KBTBD11: variants seen among roughly 807,000 people sequenced by gnomAD.
KBTBD11 encodes kelch repeat and BTB domain-containing protein 11.
For synonymous variants in KBTBD11, 747 were observed against 499.0 expected (o/e 1.50, Z -6.63); for missense variants, 1,390 against 1,001.8 (o/e 1.39, Z -5.23).
chr8:1,993,391 G>GTCCA lies in KBTBD11; in HGVS notation c.-908-6865_-908-6862dup, dbSNP rs1204845271. Among the ~76,000 whole-genome samples, 519 of 97,940 alleles carry GTCCA rather than the reference G, an allele frequency of 5.3e-3. 3 individuals are homozygous for GTCCA. The highest frequency in any genetic ancestry group is 3.8e-3 in the Non-Finnish European group (173 of 45,816). The allele number at this position is 97,940 out of a possible 152,430, so 64.3% of individuals were successfully genotyped here. On this transcript the variant is annotated intron_variant, in intron 1 of 1. Transcript: ENST00000320248. ...CGTCCGTCCGTCCGTCCGTCCGTCC[G>GTCCA]TCCATCCATCCATCCATCCATCCAT...
chr8:1,992,265 GTGTT>G (rs1281422306), intron 1 of KBTBD11, among the ~76,000 whole-genome samples: 3 of 152,104 alleles, frequency 2.0e-5, no homozygotes, highest in Admixed American at 2.0e-4. Flanking sequence ...GCCTCCCAGG[GTGTT>G]TGAAGACTGT....
In KBTBD11 at chr8:2,001,043, A is replaced by C. The variant is rs1585758659; in HGVS notation, c.-150A>C. 1 of 302,216 alleles carries C rather than the reference A, an allele frequency of 3.3e-6. No individual in the cohort carries two copies. Among genetic ancestry groups the C allele is most frequent in the South Asian group, 2.1e-4 (1 of 4,764 alleles). 18.7% of individuals were successfully genotyped at this position (302,216 alleles called of 1,614,324 possible). A position where few individuals can be genotyped will look rare whatever the true frequency, so the allele number is the denominator to read the frequency against. ...GTGAGATTCCCCCCTTCACACACAC[A>C]ACAACAAAGCGTGGACACACAGAAG... is the stretch of plus-strand genomic sequence containing the variant. On this transcript the variant is annotated 5_prime_UTR_variant, in exon 2 of 2. Coordinates refer to ENST00000320248, the MANE Select transcript of KBTBD11 (RefSeq NM_014867.3).
At chr8:1,990,267 T>C (rs1816863924) in intron 1 of KBTBD11, among the ~76,000 whole-genome samples, 3 of 140,804 alleles carry the variant, frequency 2.1e-5, no homozygotes, top group African/African-American at 8.1e-5. Flanking sequence ...CTTGGCGCCC[T>C]GTCTGGGTAG....
At position 1,988,732 on chromosome 8, in the gene KBTBD11, C is replaced by T. The variant is rs545411540; in HGVS notation, c.-908-11553C>T. Reference sequence around the variant, plus strand: ...CTTGCCTTCTGCACTGAGGCTTGAGCCCCATGGGGCTGGGACCAAGTCTGT... The same window carrying T: ...CTTGCCTTCTGCACTGAGGCTTGAGTCCCATGGGGCTGGGACCAAGTCTGT... On this transcript the variant is annotated intron_variant, in intron 1 of 1. Coordinates refer to ENST00000320248, the MANE Select transcript of KBTBD11 (RefSeq NM_014867.3). 8.5e-4 allele frequency among the ~76,000 whole-genome samples: 130 copies of T among 152,306 alleles called. 1 individual carries two copies. Among genetic ancestry groups the T allele is most frequent in the African/African-American group, 3.1e-3 (128 of 41,554 alleles).
intron 1 of KBTBD11, chr8:1,974,781 T>G (rs973516375): frequency 1.2e-6 from 1 of 806,840 alleles, no homozygotes; most frequent in East Asian, 1.3e-4. Context: ...TCCACCTCTT[T>G]AGAGTCCTAC....
At chr8:1,978,396 C>G (rs1020676561) in intron 1 of KBTBD11, among the ~76,000 whole-genome samples, 2 of 152,246 alleles carry the variant, frequency 1.3e-5, no homozygotes, top group African/African-American at 4.8e-5. Context: ...CACTGACTTG[C>G]TGCCTGAGGC....
intron 1 of KBTBD11, among the ~76,000 whole-genome samples, chr8:1,995,287 C>T (rs1045561607): frequency 6.6e-6 from 1 of 151,986 alleles, no homozygotes; most frequent in Admixed American, 6.6e-5. Context: ...GTTGCTTGAA[C>T]CACTGTAGGA....
At chr8:1,983,660 G>C (rs1213097642) in intron 1 of KBTBD11, among the ~76,000 whole-genome samples, 1 of 152,148 alleles carries the variant, frequency 6.6e-6, no homozygotes, top group Non-Finnish European at 1.5e-5. Context: ...GACCATGAAT[G>C]TTGAAATGTG....
chr8:1,993,028 C>G (rs1351828365), intron 1 of KBTBD11, among the ~76,000 whole-genome samples: 1 of 152,104 alleles, frequency 6.6e-6, no homozygotes, highest in African/African-American at 2.4e-5. Flanking sequence ...GCCTTGACCT[C>G]TCCCGGGCTC....
rs79630293 is a variant in KBTBD11, at chr8:1,985,187, C to T, written c.-909+11252C>T. Among the ~76,000 whole-genome samples, 515 of 152,322 alleles carry T rather than the reference C, an allele frequency of 3.4e-3. 3 individuals carry two copies. The highest frequency in any genetic ancestry group is 0.012 in the African/African-American group (502 of 41,574). On this transcript the variant is annotated intron_variant, in intron 1 of 1. Transcript: ENST00000320248. ...GGCCGATGGCCGAATGCAGGTGACC[C>T]GGCAGGAGAAGGCAGAGCTCTTACA...
chr8:1,994,851 G>A (rs1817072986), intron 1 of KBTBD11, among the ~76,000 whole-genome samples: 1 of 152,106 alleles, frequency 6.6e-6, no homozygotes, highest in African/African-American at 2.4e-5. Flanking sequence ...TTGAGGTCAG[G>A]AATTCGAGAC....
chr8:1,988,715 C>T (rs576402436), intron 1 of KBTBD11, among the ~76,000 whole-genome samples: 1 of 152,328 alleles, frequency 6.6e-6, no homozygotes, highest in South Asian at 2.1e-4. Context: ...CGCTTGCCTT[C>T]TGCACTGAGG....
chr8:2,002,616 C>T lies in KBTBD11; in HGVS notation c.1424C>T (p.Pro475Leu). The part of the protein sequence containing the change: ...SLFYRLLKYD[P>L]RRDEWQECPC... ...TTCTATCGCCTGCTCAAGTATGACCCGCGGCGCGACGAGTGGCAGGAGTGC... is the reference window on the plus strand; with the variant it reads ...TTCTATCGCCTGCTCAAGTATGACCTGCGGCGCGACGAGTGGCAGGAGTGC... Residue 475 changes from proline (P) to leucine (L), a missense_variant, in exon 2 of 2, where the codon CCG becomes CTG. Pro to Leu is a moderately conservative substitution (Grantham distance 98). Coordinates refer to ENST00000320248, the MANE Select transcript of KBTBD11 (RefSeq NM_014867.3). The surrounding 1 kb of genome is among the most constrained non-coding windows in gnomAD (Gnocchi z 4.1). The T allele has an allele frequency of 2.5e-6, 4 of 1,583,676 alleles. No homozygotes were observed. The highest frequency in any genetic ancestry group is 1.7e-5 in the Admixed American group (1 of 58,450).
chr8:1,996,632 T>A (rs1817152674), intron 1 of KBTBD11, among the ~76,000 whole-genome samples: 1 of 152,036 alleles, frequency 6.6e-6, no homozygotes, highest in African/African-American at 2.4e-5. Flanking sequence ...ATGAACGCAT[T>A]CTTTAAAAAA....
At chr8:1,984,081 G>T (rs189963845) in intron 1 of KBTBD11, among the ~76,000 whole-genome samples, 19 of 152,320 alleles carry the variant, frequency 1.2e-4, no homozygotes, top group African/African-American at 4.6e-4. Flanking sequence ...AGTGAGCCAA[G>T]ATCGCGCCAT....
chr8:2,006,764 T>G lies in KBTBD11; in HGVS notation c.*3700T>G. ...AGCGATTCTCAAATGTTACCATTTA[T>G]TAAAGGTAAACTACACCTGTTGAAG... On this transcript the variant is annotated 3_prime_UTR_variant, in exon 2 of 2. Transcript: ENST00000320248. 1.8e-5 allele frequency: 3 copies of G among 167,246 alleles called. No homozygotes were observed. 10.4% of individuals were successfully genotyped at this position (167,246 alleles called of 1,614,324 possible). A position where few individuals can be genotyped will look rare whatever the true frequency, so the allele number is the denominator to read the frequency against.
intron 1 of KBTBD11, among the ~76,000 whole-genome samples, chr8:1,993,517 C>A (rs868272901): frequency 2.8e-5 from 1 of 35,606 alleles, no homozygotes; most frequent in Non-Finnish European, 7.2e-5. Context: ...ATCCATCCAT[C>A]CACCCATCCA....
intron 1 of KBTBD11, among the ~76,000 whole-genome samples, chr8:1,978,117 A>C (rs1213010453): frequency 6.6e-6 from 1 of 152,220 alleles, no homozygotes; most frequent in Non-Finnish European, 1.5e-5. Flanking sequence ...TATTAAGCCC[A>C]GCAGGCATTA....
At position 2,004,601 on chromosome 8, in the gene KBTBD11, G is replaced by T. The variant is rs933063546; in HGVS notation, c.*1537G>T. On this transcript the variant is annotated 3_prime_UTR_variant, in exon 2 of 2. Transcript: ENST00000320248. ...AGGTCTCAGTTAAGTGTGTTTAGAA[G>T]TGATCAGCTTGAACCTTATGCATGA... 1.2e-5 allele frequency: 2 copies of T among 167,086 alleles called. No individual in the cohort carries two copies. Among genetic ancestry groups the T allele is most frequent in the Non-Finnish European group, 2.9e-5 (2 of 68,132 alleles). The allele number at this position is 167,086 out of a possible 1,614,324, so 10.4% of individuals were successfully genotyped here.
Sources: gnomAD v4.1 joint callset for allele counts (sites outside exome capture counted in the v4.1 genomes callset) on GRCh38, gnomAD v4.1.1 for gene constraint, Gnocchi (gnomAD v3.1) non-coding constraint, MANE v1.5 for transcripts, NCBI Gene and HGNC (gene_info 2026-07-23, HGNC 2026-07-21) for gene names.